Variants in SLC17A6 observed in about 807,000 individuals in gnomAD.
The protein encoded by SLC17A6 is solute carrier family 17 member 6.
SLC17A6 carries 35 observed loss-of-function variants against 67.1 expected under a neutral mutation model. That is an observed-to-expected ratio of 0.52 (90% CI 0.40 to 0.69). The LOEUF is 0.69. Among genes scored for constraint, SLC17A6 ranks in the 30% least tolerant of loss-of-function variants. The probability of loss-of-function intolerance (pLI) is 0.00; values close to 1 mark genes in which losing one functional copy is unlikely to be tolerated. For synonymous variants in SLC17A6, 285 were observed against 252.3 expected (o/e 1.13, Z -1.23); for missense variants, 588 against 723.9 (o/e 0.81, Z 2.15).
intron 4 of SLC17A6, 85 bp from the exon 5 acceptor site, chr11:22,360,812 G>A: frequency 9.9e-6 from 11 of 1,112,880 alleles, no homozygotes; most frequent in Non-Finnish European, 1.4e-5. Context: ...AAGGAAGTCT[G>A]AAGGGCAGGG....
chr11:22,352,597 G>A (rs943086239), intron 3 of SLC17A6, among the ~76,000 whole-genome samples: 2 of 152,172 alleles, frequency 1.3e-5, no homozygotes, highest in Non-Finnish European at 2.9e-5. Flanking sequence ...CTAGCACCAT[G>A]GAGTTTAAAG....
rs980137091 is a variant in SLC17A6, at chr11:22,378,994, G to A, written c.*1254G>A. The stretch of plus-strand genomic sequence containing the variant: ...GAGTCATAGAATTTTAGGTGGGGAA[G>A]AGGCATTTTGCTTGTCATTTCTTAA... On this transcript the variant is annotated 3_prime_UTR_variant, in exon 12 of 12. Coordinates refer to ENST00000263160, the MANE Select transcript of SLC17A6 (RefSeq NM_020346.3). 2.6e-5 allele frequency: 4 copies of A among 152,520 alleles called. No homozygotes were observed. Among genetic ancestry groups the A allele is most frequent in the Non-Finnish European group, 4.4e-5 (3 of 67,976 alleles). The allele number at this position is 152,520 out of a possible 1,614,324, so 9.4% of individuals were successfully genotyped here.
At chr11:22,343,434 G>A in intron 3 of SLC17A6, 69 bp downstream of exon 3, 2 of 1,367,386 alleles carry the variant, frequency 1.5e-6, no homozygotes, top group Non-Finnish European at 2.0e-6. Context: ...AGCAGAAGCT[G>A]GAGCAGAGAC....
chr11:22,355,936 C>T (rs1046908797), intron 3 of SLC17A6, among the ~76,000 whole-genome samples: 1 of 152,222 alleles, frequency 6.6e-6, no homozygotes, highest in African/African-American at 2.4e-5. Flanking sequence ...CTTTGGCACA[C>T]ATTGTCTCTG....
intron 7 of SLC17A6, among the ~76,000 whole-genome samples, 165 bp from the exon 8 acceptor site, chr11:22,369,874 G>A (rs1335907643): frequency 6.6e-6 from 1 of 151,866 alleles, no homozygotes; most frequent in Non-Finnish European, 1.5e-5. Context: ...GATTATTTAC[G>A]TAGCTAAGGT....
chr11:22,341,638 G>T lies in SLC17A6; in HGVS notation c.197G>T (p.Gly66Val). 6.2e-7 allele frequency: 1 copy of T among 1,613,654 alleles called. No homozygotes were observed. Among genetic ancestry groups the T allele is most frequent in the Non-Finnish European group, 8.5e-7 (1 of 1,179,992 alleles). The change falls in exon 2 of 12, where the codon GGC becomes GTC. Residue 66 changes from glycine (G) to valine (V), a missense_variant. This residue lies in a region of SLC17A6 where 117 missense variants were observed against 98.7 expected (regional missense o/e 1.19). Transcript: ENST00000263160. Reference sequence around the variant, plus strand: ...CCGCTGTGCGACTGCACGTGCTTCGGCCTGCCCCGCCGCTACATTATCGCC... The same window carrying T: ...CCGCTGTGCGACTGCACGTGCTTCGTCCTGCCCCGCCGCTACATTATCGCC... ...KAPLCDCTCF[G>V]LPRRYIIAIM...
At chr11:22,366,675 T>C (rs943692052) in intron 7 of SLC17A6, among the ~76,000 whole-genome samples, 5 of 152,168 alleles carry the variant, frequency 3.3e-5, no homozygotes, top group African/African-American at 1.2e-4. Flanking sequence ...TAGTAATTAA[T>C]ACAAAAGCCA....
intron 4 of SLC17A6, among the ~76,000 whole-genome samples, chr11:22,360,234 C>T (rs1030493380): frequency 2.6e-5 from 4 of 151,856 alleles, no homozygotes; most frequent in Non-Finnish European, 5.9e-5. Context: ...GAACAGAAAA[C>T]CAAACACTGC....
At chr11:22,354,643 A>G (rs1855977901) in intron 3 of SLC17A6, among the ~76,000 whole-genome samples, 1 of 152,200 alleles carries the variant, frequency 6.6e-6, no homozygotes, top group South Asian at 2.1e-4. Context: ...TGTTAATGCC[A>G]GTACTCATTC....
At position 22,365,626 on chromosome 11, in the gene SLC17A6, T is replaced by G. The variant is rs780927615; in HGVS notation, c.828T>G (p.Asp276Glu). 2 of 1,613,872 alleles carry G rather than the reference T, an allele frequency of 1.2e-6. No homozygotes were observed. The highest frequency in any genetic ancestry group is 1.1e-5 in the South Asian group (1 of 91,080). Residue 276 changes from aspartate to glutamate, a missense_variant, in exon 7 of 12, where the codon GAT becomes GAG. Coordinates refer to ENST00000263160, the MANE Select transcript of SLC17A6 (RefSeq NM_020346.3). Reference protein sequence around the residue: ...ESPAKHPTITDEERRYIEESI... With the variant: ...ESPAKHPTITEEERRYIEESI... Reference sequence around the variant, plus strand: ...CTGCAAAGCATCCTACTATTACAGATGAAGAACGTAGGTACATAGAAGAAA... The same window carrying G: ...CTGCAAAGCATCCTACTATTACAGAGGAAGAACGTAGGTACATAGAAGAAA...
At position 22,376,087 on chromosome 11, in the gene SLC17A6, T is replaced by C. The variant is rs1590396450; in HGVS notation, c.1280T>C (p.Ile427Thr). The stretch of plus-strand genomic sequence containing the variant: ...GCAGTGGGATTCAGTGGATTTGCTA[T>C]ATCTGGTAAGATATAATTTTTTTTC... ...VLAVGFSGFA[I>T]SGFNVNHLDI... The change falls in exon 10 of 12, where the codon ATA (isoleucine) becomes ACA (threonine). Residue 427 changes from isoleucine (I) to threonine (T), a missense_variant. Transcript: ENST00000263160. 1.2e-6 allele frequency: 2 copies of C among 1,607,904 alleles called. No individual in the cohort carries two copies. Among genetic ancestry groups the C allele is most frequent in the Non-Finnish European group, 8.5e-7 (1 of 1,176,176 alleles).
At chr11:22,374,286 A>G (rs1311548375) in intron 8 of SLC17A6, among the ~76,000 whole-genome samples, 1 of 152,186 alleles carries the variant, frequency 6.6e-6, no homozygotes, top group Non-Finnish European at 1.5e-5. Context: ...TACTCTATAG[A>G]AATTATGTCT....
At chr11:22,341,352 G>A (rs917562136) in intron 1 of SLC17A6, among the ~76,000 whole-genome samples, 176 bp from the exon 2 acceptor site, 1 of 152,168 alleles carries the variant, frequency 6.6e-6, no homozygotes, top group Non-Finnish European at 1.5e-5. Context: ...TGCAGAATGT[G>A]AGAGAGCCTG....
In SLC17A6 at chr11:22,376,560, A is replaced by T; in HGVS notation, c.1301A>T (p.His434Leu). The part of the protein sequence containing the change: ...GFAISGFNVN[H>L]LDIAPRYASI... ...TGTATTTCAGGTTTCAATGTTAACC[A>T]CTTGGATATCGCTCCAAGATATGCC... Residue 434 changes from histidine to leucine, a missense_variant, in exon 11 of 12, where the codon CAC (histidine) becomes CTC (leucine). By Grantham distance (99) the His-to-Leu change is moderately conservative. This residue lies in a region of SLC17A6 where 414 missense variants were observed against 563.4 expected (regional missense o/e 0.73). Coordinates refer to ENST00000263160, the MANE Select transcript of SLC17A6 (RefSeq NM_020346.3). 6.2e-7 allele frequency: 1 copy of T among 1,613,998 alleles called. No homozygotes were observed. Among genetic ancestry groups the T allele is most frequent in the Non-Finnish European group, 8.5e-7 (1 of 1,179,934 alleles).
chr11:22,365,640 A>C lies in SLC17A6; in HGVS notation c.842A>C (p.Tyr281Ser), dbSNP rs1308818130. 1 of 1,613,842 alleles carries C rather than the reference A, an allele frequency of 6.2e-7. No individual in the cohort carries two copies. The highest frequency in any genetic ancestry group is 1.3e-5 in the African/African-American group (1 of 74,930). The change falls in exon 7 of 12, where the codon TAC (tyrosine) becomes TCC (serine). Residue 281 changes from tyrosine to serine, a missense_variant. Physicochemically the swap from Tyr to Ser is moderately radical, Grantham distance 144. Transcript: ENST00000263160. ...ACTATTACAGATGAAGAACGTAGGT[A>C]CATAGAAGAAAGCATTGGAGAGAGT... ...HPTITDEERR[Y>S]IEESIGESAN... is the part of the protein sequence containing the mutation.
At chr11:22,351,387 C>T (rs936307990) in intron 3 of SLC17A6, among the ~76,000 whole-genome samples, 3 of 152,032 alleles carry the variant, frequency 2.0e-5, no homozygotes, top group Admixed American at 1.3e-4. Context: ...CACCACCACC[C>T]CAAGCACTCT....
At chr11:22,371,563 G>A (rs1367545749) in intron 8 of SLC17A6, among the ~76,000 whole-genome samples, 1 of 151,460 alleles carries the variant, frequency 6.6e-6, no homozygotes, top group Non-Finnish European at 1.5e-5. Flanking sequence ...TCATAATCTA[G>A]GACAAATATG....
chr11:22,339,519 C>G (rs921413785), intron 1 of SLC17A6, among the ~76,000 whole-genome samples: 1 of 151,978 alleles, frequency 6.6e-6, no homozygotes, highest in Non-Finnish European at 1.5e-5. Context: ...ACTAATTATG[C>G]TGTAATTTGC....
rs939894680 is a variant in SLC17A6, at chr11:22,377,867, A to G, written c.*127A>G. The G allele has an allele frequency of 1.6e-5, 12 of 754,554 alleles. No homozygotes were observed. Among genetic ancestry groups the G allele is most frequent in the Non-Finnish European group, 2.5e-5 (12 of 477,728 alleles). 46.7% of individuals were successfully genotyped at this position (754,554 alleles called of 1,614,324 possible). ...CCAGGCAAGTCTTGCTGTAAAAATG[A>G]AAACAAAACAAACCCATGAGGTTAC... On this transcript the variant is annotated 3_prime_UTR_variant, in exon 12 of 12. Transcript: ENST00000263160.
Sources: allele counts gnomAD v4.1 joint callset (sites outside exome capture counted in the v4.1 genomes callset), GRCh38; gene constraint gnomAD v4.1.1; regional missense constraint gnomAD v4.1.1; transcripts MANE v1.5; gene names NCBI Gene and HGNC (gene_info 2026-07-23, HGNC 2026-07-21).